USP32: variants seen among roughly 807,000 people sequenced by gnomAD.
USP32 encodes the protein ubiquitin specific peptidase 32, also known as ubiquitin carboxyl-terminal hydrolase 32.
In USP32, 59 loss-of-function variants were observed where a neutral mutation model predicts 204.8. The ratio of observed to expected loss-of-function variants is 0.29; its 90% CI spans 0.23 to 0.36. The LOEUF (loss-of-function observed/expected upper bound fraction) is 0.36, where lower values mean the gene tolerates loss of function less well. Ranked by LOEUF, USP32 falls within the 10% of genes least tolerant of loss-of-function variation. The pLI is 1.00. For missense variants in USP32, 1,160 were observed against 1,946.4 expected (o/e 0.60, Z 7.60); for synonymous variants, 517 against 678.4 (o/e 0.76, Z 3.70).
chr17:60,246,409 A>ATT (rs1413520862), intron 11 of USP32, among the ~76,000 whole-genome samples: 34 of 145,892 alleles, frequency 2.3e-4, no homozygotes, highest in African/African-American at 8.6e-4. Flanking sequence ...GTATATATAT[A>ATT]TATATTTTTT....
At chr17:60,229,792 T>C (rs2085494963) in intron 12 of USP32, among the ~76,000 whole-genome samples, 1 of 152,236 alleles carries the variant, frequency 6.6e-6, no homozygotes, top group Non-Finnish European at 1.5e-5. Flanking sequence ...TTATATAAAG[T>C]TGATGCATTA....
At chr17:60,223,058 A>T (rs1018226285) in intron 14 of USP32, among the ~76,000 whole-genome samples, 2 of 152,208 alleles carry the variant, frequency 1.3e-5, no homozygotes, top group Non-Finnish European at 2.9e-5. Flanking sequence ...AACTCAAAGC[A>T]TATCATTTGG....
chr17:60,398,670 A>T (rs1461546764), intron 1 of USP32, among the ~76,000 whole-genome samples: 1 of 151,846 alleles, frequency 6.6e-6, no homozygotes, highest in Non-Finnish European at 1.5e-5. Context: ...ATTTTTTTTT[A>T]AGTTGCTTAG....
chr17:60,208,022 G>C (rs1182853375), intron 24 of USP32, 37 bp downstream of exon 24: 2 of 1,517,880 alleles, frequency 1.3e-6, no homozygotes, highest in Non-Finnish European at 1.8e-6. Flanking sequence ...ATCTTTGGAG[G>C]ATAGAATCAA....
At chr17:60,253,035 G>GA (rs34002468) in intron 10 of USP32, among the ~76,000 whole-genome samples, 2 of 152,004 alleles carry the variant, frequency 1.3e-5, no homozygotes, top group Admixed American at 6.5e-5. Context: ...GATGTTTCCT[G>GA]AAAAAAACTT....
rs145667783 is a variant in USP32, at chr17:60,190,619, C to T, written c.3586G>A (p.Ala1196Thr). The change falls in exon 29 of 34, where the codon GCT becomes ACT. Residue 1196 changes from alanine to threonine, a missense_variant. Physicochemically the swap from Ala to Thr is moderately conservative, Grantham distance 58. Coordinates refer to ENST00000300896, the MANE Select transcript of USP32 (RefSeq NM_032582.4). The part of the protein sequence containing the change: ...DRAFIGNAYI[A>T]VDWDPTALHL... ...AGGGCTGTGGGATCCCAATCCACAG[C>T]GATATAGGCATTTCCAATGAAAGCT... 16 of 1,605,222 alleles carry T rather than the reference C, an allele frequency of 1.0e-5. No individual in the cohort carries two copies. The highest frequency in any genetic ancestry group is 1.7e-5 in the Admixed American group (1 of 57,990).
chr17:60,186,832 G>A (rs1175153666), intron 29 of USP32, among the ~76,000 whole-genome samples: 1 of 152,152 alleles, frequency 6.6e-6, no homozygotes, highest in African/African-American at 2.4e-5. Context: ...CTCCATGCCT[G>A]GCTGCTACCT....
At position 60,349,654 on chromosome 17, in the gene USP32, C is replaced by CAT. The variant is rs1232012996; in HGVS notation, c.59-4048_59-4047dup. Among the ~76,000 whole-genome samples, 3 of 74,044 alleles carry CAT rather than the reference C, an allele frequency of 4.1e-5. No homozygotes were observed. The Admixed American group carries it at 5.3e-4, about 13-fold the overall frequency. 48.6% of individuals were successfully genotyped at this position (74,044 alleles called of 152,430 possible). ...TATATATATATATATTATATATATACATATATATACACATATATATATACA... is the reference window on the plus strand; with the variant it reads ...TATATATATATATATTATATATATACATATATATATACACATATATATATACA... On this transcript the variant is annotated intron_variant, in intron 1 of 33. Coordinates refer to ENST00000300896, the MANE Select transcript of USP32 (RefSeq NM_032582.4).
chr17:60,407,781 C>CAA (rs750848462), intron 1 of USP32, among the ~76,000 whole-genome samples: 394 of 35,100 alleles, frequency 0.011, 2 homozygotes, highest in Middle Eastern at 0.056. Flanking sequence ...GCCTCTGTCT[C>CAA]AAAAAAAAAA....
intron 2 of USP32, among the ~76,000 whole-genome samples, chr17:60,311,239 T>G (rs1598229288): frequency 6.6e-6 from 1 of 152,152 alleles, no homozygotes; most frequent in East Asian, 1.9e-4. Flanking sequence ...AGTGATCACA[T>G]GTACCCCCCA....
chr17:60,312,709 A>C (rs1422613664), intron 2 of USP32, among the ~76,000 whole-genome samples: 2 of 152,202 alleles, frequency 1.3e-5, no homozygotes, highest in Non-Finnish European at 2.9e-5. Flanking sequence ...ACATAAGTTA[A>C]AAAGGCAAAA....
At chr17:60,252,547 C>T in intron 10 of USP32, 105 bp from the exon 11 acceptor site, 2 of 789,738 alleles carry the variant, frequency 2.5e-6, no homozygotes, top group Non-Finnish European at 4.0e-6. Context: ...CAACAGTTTT[C>T]AACTCATGAA....
At chr17:60,371,908 C>T (rs2089449771) in intron 1 of USP32, among the ~76,000 whole-genome samples, 1 of 152,182 alleles carries the variant, frequency 6.6e-6, no homozygotes, top group African/African-American at 2.4e-5. Flanking sequence ...TCATCAGCTC[C>T]AAGGAAAACA....
At chr17:60,229,928 C>T (rs1405009894) in intron 12 of USP32, among the ~76,000 whole-genome samples, 2 of 152,166 alleles carry the variant, frequency 1.3e-5, no homozygotes, top group Non-Finnish European at 2.9e-5. Flanking sequence ...ATTCTCCTGC[C>T]TCAGCCTCCG....
intron 1 of USP32, among the ~76,000 whole-genome samples, chr17:60,352,249 C>G (rs559839987): frequency 6.6e-6 from 1 of 152,328 alleles, no homozygotes; most frequent in South Asian, 2.1e-4. Context: ...AAGGTAACAG[C>G]TGGCAAATAT....
chr17:60,377,003 A>G (rs1474630737), intron 1 of USP32, among the ~76,000 whole-genome samples: 5 of 152,224 alleles, frequency 3.3e-5, no homozygotes, highest in Non-Finnish European at 7.3e-5. Flanking sequence ...TTGTCATAAT[A>G]AACTTTTGAT....
chr17:60,290,191 G>A (rs190990008), intron 4 of USP32, among the ~76,000 whole-genome samples: 200 of 152,092 alleles, frequency 1.3e-3, no homozygotes, highest in Non-Finnish European at 1.2e-3. Flanking sequence ...CACCACCATC[G>A]CCCACCAACT....
intron 15 of USP32, among the ~76,000 whole-genome samples, 171 bp downstream of exon 15, chr17:60,222,238 G>C (rs2085271620): frequency 6.6e-6 from 1 of 152,196 alleles, no homozygotes; most frequent in Non-Finnish European, 1.5e-5. Context: ...ATTTATGAAT[G>C]AATGAACGAA....
chr17:60,419,124 T>A (rs989370254), intron 1 of USP32, among the ~76,000 whole-genome samples: 1 of 152,120 alleles, frequency 6.6e-6, no homozygotes, highest in Non-Finnish European at 1.5e-5. Flanking sequence ...TAAATGCCCA[T>A]CAATGGTAGA....
Sources: allele counts gnomAD v4.1 joint callset (sites outside exome capture counted in the v4.1 genomes callset), GRCh38; gene constraint gnomAD v4.1.1; transcripts MANE v1.5; gene names NCBI Gene and HGNC (gene_info 2026-07-23, HGNC 2026-07-21).